Variants in ORC4 observed in about 807,000 individuals in gnomAD.
ORC4 encodes origin recognition complex, subunit 4 homolog.
ORC4 carries 55 observed loss-of-function variants against 63.9 expected under a neutral mutation model. That is an observed-to-expected ratio of 0.86 (90% CI 0.69 to 1.08). ORC4 has a LOEUF of 1.08. Among genes scored for constraint, ORC4 ranks in the 50% least tolerant of loss-of-function variants. The probability of loss-of-function intolerance (pLI) is 0.00; values close to 1 mark genes in which losing one functional copy is unlikely to be tolerated. For missense variants in ORC4, 511 were observed against 504.4 expected, an observed-to-expected ratio of 1.01 and a Z score of -0.13; for synonymous variants, 150 against 168.5, an observed-to-expected ratio of 0.89 and a Z score of 0.85.
chr2:147,933,912 A>G lies in ORC4; in HGVS notation c.*1598T>C, dbSNP rs1270192308. 1 of 152,176 alleles carries G rather than the reference A, an allele frequency of 6.6e-6. No individual in the cohort carries two copies. The highest frequency in any genetic ancestry group is 2.4e-5 in the African/African-American group (1 of 41,446). The allele number at this position is 152,176 out of a possible 1,614,324, so 9.4% of individuals were successfully genotyped here. ...TAGCAGGCTTAACTTTTTGCAGGGA[A>G]GGAAAGGCTATGTATGCAAAAGAAT... On this transcript the variant is annotated 3_prime_UTR_variant, in exon 14 of 14. Transcript: ENST00000392857.
chr2:147,963,562 G>A (rs1359318665), intron 4 of ORC4, among the ~76,000 whole-genome samples: 1 of 152,130 alleles, frequency 6.6e-6, no homozygotes, highest in Admixed American at 6.5e-5. Context: ...AAGCAGCCTT[G>A]CACCTGGATC....
At chr2:147,954,498 GTATCTAAACA>G (rs1459805105) in intron 7 of ORC4, among the ~76,000 whole-genome samples, 1 of 152,098 alleles carries the variant, frequency 6.6e-6, no homozygotes, top group African/African-American at 2.4e-5. Flanking sequence ...AAGTATTTGT[GTATCTAAACA>G]TATCTAAACA....
chr2:147,940,832 A>T (rs1001363896), intron 10 of ORC4, among the ~76,000 whole-genome samples: 4 of 151,994 alleles, frequency 2.6e-5, no homozygotes, highest in Non-Finnish European at 4.4e-5. Context: ...AAAGGCATAA[A>T]TTTTTTTTAA....
chr2:147,992,531 A>G (rs549051279), intron 1 of ORC4, among the ~76,000 whole-genome samples: 4 of 152,314 alleles, frequency 2.6e-5, no homozygotes, highest in African/African-American at 9.6e-5. Context: ...TTTCCTTGAA[A>G]AGCCCCAAAC....
chr2:147,976,773 T>C (rs1690581784), intron 1 of ORC4, among the ~76,000 whole-genome samples: 1 of 152,174 alleles, frequency 6.6e-6, no homozygotes, highest in South Asian at 2.1e-4. Context: ...TTAAACAAAA[T>C]TGTCTGTTTA....
At chr2:147,960,389 C>T (rs1689519957) in intron 4 of ORC4, 6 of 949,220 alleles carry the variant, frequency 6.3e-6, no homozygotes, top group Non-Finnish European at 6.3e-6. Flanking sequence ...ATTGTTTATG[C>T]AATCAACCAT....
chr2:147,985,341 C>T (rs1025980830), intron 1 of ORC4, among the ~76,000 whole-genome samples: 5 of 152,036 alleles, frequency 3.3e-5, no homozygotes, highest in Non-Finnish European at 5.9e-5. Flanking sequence ...GGACTACAGG[C>T]GCCTGCCACC....
At position 148,014,729 on chromosome 2, in the gene ORC4, A is replaced by G. The variant is rs375643422; in HGVS notation, c.-18+5904T>C. On this transcript the variant is annotated intron_variant, in intron 1 of 13. Coordinates refer to ENST00000392857, the MANE Select transcript of ORC4 (RefSeq NM_181741.4). Reference sequence around the variant, plus strand: ...GAAATTTTTAAAAAGCCATGACAGTATAACAATATTTACATAGCATCTACA... The same window carrying G: ...GAAATTTTTAAAAAGCCATGACAGTGTAACAATATTTACATAGCATCTACA... Among the ~76,000 whole-genome samples, 28 of 152,334 alleles carry G rather than the reference A, an allele frequency of 1.8e-4. 1 individual carries two copies. In the East Asian group the frequency reaches 5.4e-3, roughly 29 times the overall value.
chr2:148,002,847 CA>C (rs1451162755), intron 1 of ORC4, among the ~76,000 whole-genome samples: 1 of 151,980 alleles, frequency 6.6e-6, no homozygotes, highest in Non-Finnish European at 1.5e-5. Context: ...AAAACTTTAA[CA>C]AAATAGGTAG....
At chr2:147,979,385 A>T (rs932866926) in intron 1 of ORC4, among the ~76,000 whole-genome samples, 1 of 152,154 alleles carries the variant, frequency 6.6e-6, no homozygotes, top group Non-Finnish European at 1.5e-5. Context: ...AATGTAACAA[A>T]AGAGGTGAAA....
rs1309941707 is a variant in ORC4, at chr2:147,935,237, A to G, written c.*273T>C. 2.3e-6 allele frequency: 1 copy of G among 440,818 alleles called. No individual in the cohort carries two copies. The highest frequency in any genetic ancestry group is 4.6e-5 in the East Asian group (1 of 21,878). The allele number at this position is 440,818 out of a possible 1,614,324, so 27.3% of individuals were successfully genotyped here. A position where few individuals can be genotyped will look rare whatever the true frequency, so the allele number is the denominator to read the frequency against. On this transcript the variant is annotated 3_prime_UTR_variant, in exon 14 of 14. Coordinates refer to ENST00000392857, the MANE Select transcript of ORC4 (RefSeq NM_181741.4). Reference sequence around the variant, plus strand: ...TCTTCAAATAGACCATTATATATATAAGTGTTAAAAAAGCACATGGTCTAG... The same window carrying G: ...TCTTCAAATAGACCATTATATATATGAGTGTTAAAAAAGCACATGGTCTAG...
intron 7 of ORC4, among the ~76,000 whole-genome samples, chr2:147,953,824 G>T (rs1689104240): frequency 6.6e-6 from 1 of 152,006 alleles, no homozygotes; most frequent in Admixed American, 6.6e-5. Flanking sequence ...TCTGATAAAA[G>T]AAAGACTTAT....
chr2:147,979,960 A>G (rs1474967080), intron 1 of ORC4, among the ~76,000 whole-genome samples: 1 of 152,120 alleles, frequency 6.6e-6, no homozygotes, highest in Non-Finnish European at 1.5e-5. Flanking sequence ...GACCTGAAAC[A>G]TAGGGGAAGA....
At chr2:147,978,413 T>A (rs1690687563) in intron 1 of ORC4, among the ~76,000 whole-genome samples, 1 of 152,220 alleles carries the variant, frequency 6.6e-6, no homozygotes. Flanking sequence ...CAGGCAGGGT[T>A]GCTCTCAGGC....
At chr2:147,960,438 A>G in intron 4 of ORC4, 3 of 705,844 alleles carry the variant, frequency 4.3e-6, no homozygotes, top group Non-Finnish European at 5.2e-6. Context: ...ATCATTTCAA[A>G]TATTTAAACT....
intron 1 of ORC4, among the ~76,000 whole-genome samples, chr2:148,000,097 G>A (rs1462020922): frequency 2.0e-5 from 3 of 151,332 alleles, no homozygotes; most frequent in Non-Finnish European, 4.4e-5. Flanking sequence ...AAAAAAATAG[G>A]TCCAGGAGGT....
At position 147,955,345 on chromosome 2, in the gene ORC4, A is replaced by G; in HGVS notation, c.436+2T>C. 1.9e-6 allele frequency: 3 copies of G among 1,590,018 alleles called. No homozygotes were observed. Among genetic ancestry groups the G allele is most frequent in the Non-Finnish European group, 2.6e-6 (3 of 1,160,110 alleles). Reference sequence around the variant, plus strand: ...GAAACGGCTGAATATGTTAATATTTACCTTTTTTTAAAGCTTCCAGAAGAA... The same window carrying G: ...GAAACGGCTGAATATGTTAATATTTGCCTTTTTTTAAAGCTTCCAGAAGAA... On this transcript the variant is annotated splice_donor_variant, in intron 7 of 13. Coordinates refer to ENST00000392857, the MANE Select transcript of ORC4 (RefSeq NM_181741.4). LOFTEE classifies it high-confidence loss of function.
intron 2 of ORC4, among the ~76,000 whole-genome samples, chr2:147,975,506 GAAA>G (rs36022428): frequency 0.34 from 48,499 of 143,700 alleles, 8,323 homozygotes; most frequent in East Asian, 0.53. Context: ...CAAGAAAAGG[GAAA>G]AAAAAAAAAA....
At chr2:147,963,258 G>A (rs1031002547) in intron 4 of ORC4, among the ~76,000 whole-genome samples, 2 of 152,100 alleles carry the variant, frequency 1.3e-5, no homozygotes, top group Non-Finnish European at 2.9e-5. Context: ...AGCCCTGAGG[G>A]TTGCCTCTGG....
Sources: allele counts gnomAD v4.1 joint callset (sites outside exome capture counted in the v4.1 genomes callset), GRCh38; gene constraint gnomAD v4.1.1; transcripts MANE v1.5; gene names NCBI Gene and HGNC (gene_info 2026-07-23, HGNC 2026-07-21).